The following UBE2D2 variants were observed in gnomAD, a reference collection of about 807,000 sequenced individuals.
UBE2D2 encodes ubiquitin conjugating enzyme E2 D2.
UBE2D2 carries 2 observed loss-of-function variants against 24.2 expected under a neutral mutation model. The observed-to-expected ratio is 0.08, with a 90% CI of 0.03 to 0.26. The LOEUF is 0.26. Ranked by LOEUF, UBE2D2 falls within the 10% of genes least tolerant of loss-of-function variation. UBE2D2 has a pLI of 1.00. For synonymous variants in UBE2D2, 58 were observed against 56.5 expected (o/e 1.03, Z -0.12); for missense variants, 44 against 177.6 (o/e 0.25, Z 4.28).
chr5:139,619,448 G>A (rs1431015977), intron 5 of UBE2D2, among the ~76,000 whole-genome samples: 1 of 151,554 alleles, frequency 6.6e-6, no homozygotes, highest in Non-Finnish European at 1.5e-5. Flanking sequence ...TAAAAGTTCA[G>A]TGAAGAGACT....
intron 1 of UBE2D2, chr5:139,562,021 G>C: frequency 1.2e-6 from 1 of 838,780 alleles, no homozygotes; most frequent in Non-Finnish European, 1.7e-6. Context: ...AGGTGCTCTC[G>C]CGGCCTCAGC....
chr5:139,597,947 G>A (rs961671440), intron 1 of UBE2D2, among the ~76,000 whole-genome samples: 3 of 152,164 alleles, frequency 2.0e-5, no homozygotes, highest in Admixed American at 2.0e-4. Context: ...TGTCGCCCAG[G>A]CTGGAGTGCA....
chr5:139,548,193 A>AAAATAAAAAAAT, intron 1 of UBE2D2, among the ~76,000 whole-genome samples: 1 of 47,104 alleles, frequency 2.1e-5, no homozygotes, highest in East Asian at 6.6e-4. Context: ...ATAAAAAAAA[A>AAAATAAAAAAAT]AAATAAATAA....
intron 5 of UBE2D2, among the ~76,000 whole-genome samples, chr5:139,618,462 C>T (rs1754459116): frequency 6.6e-6 from 1 of 152,122 alleles, no homozygotes; most frequent in Non-Finnish European, 1.5e-5. Context: ...TCAAGAGCTA[C>T]TTGAGAAAGT....
chr5:139,624,876 C>G (rs1754582005), intron 6 of UBE2D2, among the ~76,000 whole-genome samples: 1 of 152,150 alleles, frequency 6.6e-6, no homozygotes, highest in African/African-American at 2.4e-5. Context: ...GTAGTTGGTT[C>G]TTGCTTTTTC....
intron 1 of UBE2D2, among the ~76,000 whole-genome samples, chr5:139,591,348 G>A (rs775655030): frequency 4.6e-5 from 7 of 151,958 alleles, no homozygotes; most frequent in South Asian, 2.1e-4. Flanking sequence ...TCAAGCTCCC[G>A]ACCTCAGGTG....
intron 5 of UBE2D2, among the ~76,000 whole-genome samples, chr5:139,618,018 G>T (rs1380083677): frequency 1.3e-5 from 2 of 151,736 alleles, no homozygotes; most frequent in Non-Finnish European, 2.9e-5. Context: ...TTGTTGCCCA[G>T]GCTGGAGTGC....
At chr5:139,623,693 TTTG>T in intron 6 of UBE2D2, 3 of 378,904 alleles carry the variant, frequency 7.9e-6, no homozygotes, top group East Asian at 4.0e-5. Context: ...AACTTTTTTT[TTTG>T]TTTGTTTTTT....
chr5:139,583,623 G>A (rs1753654241), intron 1 of UBE2D2, among the ~76,000 whole-genome samples: 1 of 152,102 alleles, frequency 6.6e-6, no homozygotes, highest in South Asian at 2.1e-4. Flanking sequence ...TTAGCTGGGC[G>A]TGGTGTCAGG....
At chr5:139,574,735 C>CAAAAAA (rs75539434) in intron 1 of UBE2D2, among the ~76,000 whole-genome samples, 890 of 70,656 alleles carry the variant, frequency 0.013, 6 homozygotes, top group Middle Eastern at 0.059. Flanking sequence ...GGTGGGGTGG[C>CAAAAAA]AAAAAAAAAA....
chr5:139,560,057 T>C (rs1378823494), upstream of UBE2D2, among the ~76,000 whole-genome samples: 1 of 149,632 alleles, frequency 6.7e-6, no homozygotes. Flanking sequence ...TTTTTGGAGA[T>C]GGAGTTTTGC....
chr5:139,610,181 A>C (rs75310253), intron 2 of UBE2D2, among the ~76,000 whole-genome samples: 99 of 152,246 alleles, frequency 6.5e-4, no homozygotes, highest in African/African-American at 2.3e-3. Context: ...AACTCAGAAA[A>C]ATAGAGTGAA....
chr5:139,568,379 G>T (rs1022647585), intron 1 of UBE2D2, among the ~76,000 whole-genome samples: 1 of 151,960 alleles, frequency 6.6e-6, no homozygotes. Flanking sequence ...TGTAGGCCGG[G>T]CTGGGCGCTG....
At chr5:139,528,225 T>A (rs1752561710) in intron 1 of UBE2D2, among the ~76,000 whole-genome samples, 1 of 152,204 alleles carries the variant, frequency 6.6e-6, no homozygotes, top group Non-Finnish European at 1.5e-5. Flanking sequence ...CCCGAGTGGA[T>A]GTGTGGTGGT....
chr5:139,551,244 G>A (rs188975225), intron 1 of UBE2D2, among the ~76,000 whole-genome samples: 606 of 152,232 alleles, frequency 4.0e-3, no homozygotes, highest in African/African-American at 0.013. Flanking sequence ...TACCCAGGAG[G>A]CTAAGGCAGG....
chr5:139,530,488 G>A (rs1752587146), intron 1 of UBE2D2, among the ~76,000 whole-genome samples: 1 of 152,164 alleles, frequency 6.6e-6, no homozygotes, highest in Non-Finnish European at 1.5e-5. Flanking sequence ...GCACAAGAAG[G>A]CTCATGAGGA....
chr5:139,585,409 G>A (rs755450307), intron 1 of UBE2D2, among the ~76,000 whole-genome samples: 2 of 151,892 alleles, frequency 1.3e-5, no homozygotes, highest in East Asian at 1.9e-4. Flanking sequence ...TTAATTTTTT[G>A]TAGAGACAGG....
At chr5:139,562,259 C>A in intron 1 of UBE2D2, 1 of 1,359,410 alleles carries the variant, frequency 7.4e-7, no homozygotes, top group Middle Eastern at 2.1e-4. Flanking sequence ...TCCACAAAAC[C>A]GCCTGAGCTC....
At chr5:139,562,508 A>G in intron 1 of UBE2D2, 1 of 1,176,648 alleles carries the variant, frequency 8.5e-7, no homozygotes, top group Non-Finnish European at 1.1e-6. Flanking sequence ...GCAGGATTGG[A>G]TCTAATAGAA....
Sources: allele counts gnomAD v4.1 joint callset (sites outside exome capture counted in the v4.1 genomes callset), GRCh38; gene constraint gnomAD v4.1.1; transcripts MANE v1.5; gene names NCBI Gene and HGNC (gene_info 2026-07-23, HGNC 2026-07-21).